The following GRM4 variants were observed in gnomAD, a reference collection of about 807,000 sequenced individuals.
GRM4 encodes glutamate metabotropic receptor 4, also known as metabotropic glutamate receptor 4.
GRM4 carries 28 observed loss-of-function variants against 81.7 expected under a neutral mutation model. That is an observed-to-expected ratio of 0.34 (90% confidence interval 0.25 to 0.47). The LOEUF is 0.47. GRM4 is among the 20% of genes least tolerant of loss of function. GRM4 has a pLI of 1.00. For synonymous variants in GRM4, 488 were observed against 528.8 expected, an observed-to-expected ratio of 0.92 and a Z score of 1.06; for missense variants, 948 against 1,290.0, an observed-to-expected ratio of 0.73 and a Z score of 4.06.
chr6:34,144,294 G>A (rs1034081712), intron 1 of GRM4, among the ~76,000 whole-genome samples: 5 of 152,146 alleles, frequency 3.3e-5, no homozygotes, highest in African/African-American at 4.8e-5. Flanking sequence ...CGCGCGGGGA[G>A]GAGACGCCTC....
In GRM4 at chr6:34,070,784, A is replaced by C. The variant is rs1766780317; in HGVS notation, c.737-8756T>G. Among the ~76,000 whole-genome samples the C allele has an allele frequency of 2.5e-5, 3 of 118,854 alleles. No homozygotes were observed. Among genetic ancestry groups the C allele is most frequent in the South Asian group, 3.0e-4 (1 of 3,328 alleles). 78.0% of individuals were successfully genotyped at this position (118,854 alleles called of 152,430 possible). A position where few individuals can be genotyped will look rare whatever the true frequency, so the allele number is the denominator to read the frequency against. ...AGCACCCCCACCACACCCCCGCCACACCCCCAGCCACACACACACACACAC... is the reference window on the plus strand; with the variant it reads ...AGCACCCCCACCACACCCCCGCCACCCCCCCAGCCACACACACACACACAC... On this transcript the variant is annotated intron_variant, in intron 3 of 10. Coordinates refer to ENST00000538487, the MANE Select transcript of GRM4 (RefSeq NM_000841.4). This position sits in a 1 kb window ranked among gnomAD's most constrained non-coding sequence, Gnocchi z 4.6.
intron 6 of GRM4, among the ~76,000 whole-genome samples, chr6:34,044,171 T>TATAGAC (rs1765160109): frequency 7.1e-6 from 1 of 141,174 alleles, no homozygotes; most frequent in African/African-American, 2.6e-5. Context: ...TACACACACA[T>TATAGAC]ATACATACAT....
chr6:34,112,591 C>A (rs1769430803), intron 2 of GRM4, among the ~76,000 whole-genome samples: 2 of 152,086 alleles, frequency 1.3e-5, no homozygotes, highest in South Asian at 4.1e-4. Context: ...GTGAGCTTCC[C>A]CCCAAATGAG....
chr6:34,124,206 C>G lies in GRM4; in HGVS notation c.519+8772G>C, dbSNP rs138536897. ...TGTCTCGGACCCACATCTCAAGGTC[C>G]CCGCTCAGATCAACTGCCAAGCAGA... is the stretch of plus-strand genomic sequence containing the variant. On this transcript the variant is annotated intron_variant, in intron 2 of 10. Transcript: ENST00000538487. 2.7e-3 allele frequency among the ~76,000 whole-genome samples: 408 copies of G among 152,292 alleles called. 1 individual carries two copies. The highest frequency in any genetic ancestry group is 8.8e-3 in the African/African-American group (366 of 41,554).
At chr6:34,134,819 G>T (rs1770391129) in intron 1 of GRM4, among the ~76,000 whole-genome samples, 1 of 152,158 alleles carries the variant, frequency 6.6e-6, no homozygotes, top group Non-Finnish European at 1.5e-5. Flanking sequence ...TATTGTTGTT[G>T]TGATTAAATA....
Position 34,090,314 on chromosome 6 carries a change from G to T in GRM4, c.736+1569C>A, listed in dbSNP as rs1387724307. Among the ~76,000 whole-genome samples, 1 of 152,142 alleles carries T rather than the reference G, an allele frequency of 6.6e-6. No individual in the cohort carries two copies. Among genetic ancestry groups the T allele is most frequent in the African/African-American group, 2.4e-5 (1 of 41,444 alleles). ...AGAGGTCATGCATTAAACAGAAAAGGTAGGAGGTTGGTTTGGGGAAGAGTT... is the reference window on the plus strand; with the variant it reads ...AGAGGTCATGCATTAAACAGAAAAGTTAGGAGGTTGGTTTGGGGAAGAGTT... On this transcript the variant is annotated intron_variant, in intron 3 of 10. Coordinates refer to ENST00000538487, the MANE Select transcript of GRM4 (RefSeq NM_000841.4). This position sits in a 1 kb window ranked among gnomAD's most constrained non-coding sequence, Gnocchi z 5.2.
intron 2 of GRM4, among the ~76,000 whole-genome samples, chr6:34,119,807 G>A (rs1769733581): frequency 1.3e-5 from 2 of 152,228 alleles, no homozygotes; most frequent in African/African-American, 4.8e-5. Context: ...GCTGCCAGGT[G>A]ACCCAGCAGG....
chr6:34,106,585 T>C (rs886483796), intron 2 of GRM4, among the ~76,000 whole-genome samples: 3 of 152,114 alleles, frequency 2.0e-5, no homozygotes, highest in African/African-American at 7.2e-5. Flanking sequence ...CCAACGTCCA[T>C]GTTGTTCCTC....
At chr6:34,126,664 C>T (rs192086291) in intron 2 of GRM4, among the ~76,000 whole-genome samples, 59 of 152,356 alleles carry the variant, frequency 3.9e-4, no homozygotes, top group Middle Eastern at 6.8e-3. Context: ...CACCCATCCC[C>T]ACAGCCAGGA....
In GRM4 at chr6:34,133,903, A is replaced by G; in HGVS notation, c.-363-44T>C. On this transcript the variant is annotated intron_variant, in intron 1 of 10. Transcript: ENST00000538487. The surrounding 1 kb of genome is among the most constrained non-coding windows in gnomAD (Gnocchi z 6.5). ...AGAGAGAATATCAAACAGAAGCCCA[A>G]AGAAGACATTAGCTAGTCTCATCTC... 1 of 900,980 alleles carries G rather than the reference A, an allele frequency of 1.1e-6. No individual in the cohort carries two copies. The highest frequency in any genetic ancestry group is 1.3e-6 in the Non-Finnish European group (1 of 747,320). The allele number at this position is 900,980 out of a possible 1,614,324, so 55.8% of individuals were successfully genotyped here. A position where few individuals can be genotyped will look rare whatever the true frequency, so the allele number is the denominator to read the frequency against.
chr6:34,078,747 C>T lies in GRM4; in HGVS notation c.736+13136G>A, dbSNP rs1581665147. 6.6e-6 allele frequency among the ~76,000 whole-genome samples: 1 copy of T among 152,302 alleles called. No homozygotes were observed. The highest frequency in any genetic ancestry group is 1.9e-4 in the East Asian group (1 of 5,170). The stretch of plus-strand genomic sequence containing the variant: ...TCCTCTTACTTGTCACTTTGTCCTG[C>T]TTCCTCTCCTCCCCATATCCCAAGG... On this transcript the variant is annotated intron_variant, in intron 3 of 10. Coordinates refer to ENST00000538487, the MANE Select transcript of GRM4 (RefSeq NM_000841.4). This position sits in a 1 kb window ranked among gnomAD's most constrained non-coding sequence, Gnocchi z 4.8.
chr6:34,097,014 C>T (rs1012754714), intron 2 of GRM4, among the ~76,000 whole-genome samples: 1 of 152,078 alleles, frequency 6.6e-6, no homozygotes, highest in Non-Finnish European at 1.5e-5. Context: ...CACATTCATT[C>T]ATTTATTCCT....
At chr6:34,139,202 A>G (rs1210156932) in intron 1 of GRM4, among the ~76,000 whole-genome samples, 4 of 152,206 alleles carry the variant, frequency 2.6e-5, no homozygotes, top group Admixed American at 2.6e-4. Flanking sequence ...TCCTGATGTC[A>G]GAAATCCCAG....
In GRM4 at chr6:34,111,065, C is replaced by T. The variant is rs1769358814; in HGVS notation, c.520-18966G>A. On this transcript the variant is annotated intron_variant, in intron 2 of 10. Coordinates refer to ENST00000538487, the MANE Select transcript of GRM4 (RefSeq NM_000841.4). This position sits in a 1 kb window ranked among gnomAD's most constrained non-coding sequence, Gnocchi z 5.1. ...CAATCCGTCTCATGCATTTGGATAT[C>T]AGCTGACAGCAGCAGGGGCCAGGGA... The T allele has an allele frequency of 9.9e-6, 2 of 201,732 alleles. No homozygotes were observed. Among genetic ancestry groups the T allele is most frequent in the Non-Finnish European group, 2.0e-5 (2 of 101,286 alleles). 12.5% of individuals were successfully genotyped at this position (201,732 alleles called of 1,614,324 possible).
rs114492913 is a variant in GRM4, at chr6:34,092,769, C to T, written c.520-670G>A. Among the ~76,000 whole-genome samples the T allele has an allele frequency of 0.011, 1,661 of 152,102 alleles. 18 individuals carry two copies. Among genetic ancestry groups the T allele is most frequent in the African/African-American group, 0.03 (1,248 of 41,506 alleles). On this transcript the variant is annotated intron_variant, in intron 2 of 10. Transcript: ENST00000538487. This position sits in a 1 kb window ranked among gnomAD's most constrained non-coding sequence, Gnocchi z 6.8. ...CAGCCTCTCCAAGGCAGAGCCGACC[C>T]GGGGCCCTGCCCCAGCCCCGGGGCT... is the stretch of plus-strand genomic sequence containing the variant.
chr6:34,152,046 C>T lies in GRM4; in HGVS notation c.312+3033G>A, dbSNP rs570009782. Among the ~76,000 whole-genome samples, 1 of 152,242 alleles carries T rather than the reference C, an allele frequency of 6.6e-6. No individual in the cohort carries two copies. The highest frequency in any genetic ancestry group is 2.1e-4 in the South Asian group (1 of 4,834). On this transcript the variant is annotated intron_variant, in intron 1 of 8. Coordinates refer to the GRM4 transcript ENST00000374177. The surrounding 1 kb of genome is among the most constrained non-coding windows in gnomAD (Gnocchi z 4.1). ...CCCTGTCTTCCAAGCAAGCTCCAGG[C>T]CCCTTGGCACAGGGCAAAGACCACA... is the stretch of plus-strand genomic sequence containing the variant.
intron 2 of GRM4, among the ~76,000 whole-genome samples, chr6:34,122,992 G>T (rs987644466): frequency 1.3e-5 from 2 of 152,298 alleles, no homozygotes; most frequent in African/African-American, 4.8e-5. Flanking sequence ...GCAGGCCGTG[G>T]AAGGCACAGA....
At chr6:34,071,343 A>C (rs1321064866) in intron 3 of GRM4, among the ~76,000 whole-genome samples, 1 of 126,568 alleles carries the variant, frequency 7.9e-6, no homozygotes, top group Admixed American at 7.8e-5. Flanking sequence ...ACACAGATAA[A>C]CACCGCACCA....
chr6:34,061,983 T>C lies in GRM4; in HGVS notation c.782A>G (p.Lys261Arg). 1 of 1,613,896 alleles carries C rather than the reference T, an allele frequency of 6.2e-7. No homozygotes were observed. Among genetic ancestry groups the C allele is most frequent in the Non-Finnish European group, 8.5e-7 (1 of 1,179,796 alleles). ...AQSVKIPREPKAGEFDKIIRR... is the reference protein window; with the variant it reads ...AQSVKIPREPRAGEFDKIIRR... ...GATGATCTTGTCGAACTCGCCTGCC[T>C]TGGGCTCCCGTGGTATCTTCACCGA... Residue 261 changes from lysine (K) to arginine (R), a missense_variant, in exon 4 of 11, where the codon AAG (lysine) becomes AGG (arginine). Lys to Arg is a conservative substitution (Grantham distance 26). Coordinates refer to ENST00000538487, the MANE Select transcript of GRM4 (RefSeq NM_000841.4).
Sources: gnomAD v4.1 joint callset for allele counts (sites outside exome capture counted in the v4.1 genomes callset) on GRCh38, gnomAD v4.1.1 for gene constraint, Gnocchi (gnomAD v3.1) non-coding constraint, MANE v1.5 for transcripts, NCBI Gene and HGNC (gene_info 2026-07-23, HGNC 2026-07-21) for gene names.